The following CRISP1 variants were observed in gnomAD, a reference collection of about 807,000 sequenced individuals.
The protein encoded by CRISP1 is cysteine rich secretory protein 1.
CRISP1 carries 44 observed loss-of-function variants against 33.1 expected under a neutral mutation model. That is an observed-to-expected ratio of 1.33 (90% CI 1.05 to 1.71). The LOEUF is 1.71. Ranked by LOEUF, CRISP1 falls within the 40% of genes most tolerant of loss-of-function variation. CRISP1 has a pLI of 0.00. For missense variants in CRISP1, 390 were observed against 301.2 expected, an observed-to-expected ratio of 1.29 and a Z score of -2.18; for synonymous variants, 103 against 98.7, an observed-to-expected ratio of 1.04 and a Z score of -0.26.
intron 2 of CRISP1, among the ~76,000 whole-genome samples, chr6:49,855,723 A>AT (rs1165377999): frequency 6.6e-6 from 1 of 152,170 alleles, no homozygotes; most frequent in Non-Finnish European, 1.5e-5. Context: ...AGTAAAAACA[A>AT]TTTTTGTTAA....
chr6:49,840,870 A>G, intron 6 of CRISP1, 28 bp downstream of exon 6: 1 of 1,541,944 alleles, frequency 6.5e-7, no homozygotes. Flanking sequence ...TTAGGGGGAT[A>G]TATATTTTAA....
Position 49,852,040 on chromosome 6 carries a change from C to T in CRISP1, c.156G>A (p.Arg52=). The part of the protein sequence containing the change: ...EEIVNIHNAL[R]RRVVPPASNM... ...TGCTGGCTGGTGGAACTACTCTTCT[C>T]CTGAGGGCGTTGTGTATATTAACGA... The change falls in exon 3 of 8, where the codon AGG becomes AGA. Residue 52 remains arginine, a synonymous_variant. Coordinates refer to ENST00000335847, the MANE Select transcript of CRISP1 (RefSeq NM_001131.3). 3 of 1,612,492 alleles carry T rather than the reference C, an allele frequency of 1.9e-6. No individual in the cohort carries two copies. Among genetic ancestry groups the T allele is most frequent in the Non-Finnish European group, 1.7e-6 (2 of 1,179,304 alleles).
At position 49,857,358 on chromosome 6, in the gene CRISP1, A is replaced by T; in HGVS notation, c.43T>A (p.Leu15Ile). The change falls in exon 2 of 8, where the codon TTA becomes ATA. Residue 15 changes from leucine to isoleucine, a missense_variant. Physicochemically the swap from Leu to Ile is conservative, Grantham distance 5 (BLOSUM62 2). Coordinates refer to ENST00000335847, the MANE Select transcript of CRISP1 (RefSeq NM_001131.3). ...HLLFLVAAACLLPMLSMKKKS... is the reference protein window; with the variant it reads ...HLLFLVAAACILPMLSMKKKS... ...ACTTTCATGGACAACATAGGCAGTAAGCAAGCAGCAGCAACCAAAAACAAG... is the reference window on the plus strand; with the variant it reads ...ACTTTCATGGACAACATAGGCAGTATGCAAGCAGCAGCAACCAAAAACAAG... 1 of 1,613,112 alleles carries T rather than the reference A, an allele frequency of 6.2e-7. No individual in the cohort carries two copies.
chr6:49,846,373 T>C (rs551591651), intron 5 of CRISP1, 147 bp downstream of exon 5: 1 of 809,592 alleles, frequency 1.2e-6, no homozygotes, highest in African/African-American at 1.7e-5. Flanking sequence ...GAACACTTCC[T>C]TCTATTTCAA....
At chr6:49,839,320 G>T (rs1056947882) in intron 6 of CRISP1, among the ~76,000 whole-genome samples, 1 of 147,672 alleles carries the variant, frequency 6.8e-6, no homozygotes, top group Admixed American at 6.8e-5. Flanking sequence ...GCCTGGTGGC[G>T]TATGCCTGTA....
chr6:49,867,008 G>C (rs1374186870), upstream of CRISP1, among the ~76,000 whole-genome samples: 1 of 152,104 alleles, frequency 6.6e-6, no homozygotes, highest in South Asian at 2.1e-4. Flanking sequence ...AAGATAAGTA[G>C]TCCATTTTCC....
intron 5 of CRISP1, among the ~76,000 whole-genome samples, chr6:49,842,697 C>T (rs532682147): frequency 4.6e-5 from 7 of 152,168 alleles, no homozygotes; most frequent in Admixed American, 1.3e-4. Flanking sequence ...CCCTTCCCTG[C>T]GCTCAGCTGC....
rs376532347 is a variant in CRISP1, at chr6:49,852,073, T to C, written c.123A>G (p.Gln41=). 2.0e-5 allele frequency: 33 copies of C among 1,613,292 alleles called. No individual in the cohort carries two copies. The highest frequency in any genetic ancestry group is 2.5e-5 in the Non-Finnish European group (30 of 1,179,592). ...NKLVTDLPNV[Q]EEIVNIHNAL... The stretch of plus-strand genomic sequence containing the variant: ...CGTTGTGTATATTAACGATCTCTTC[T>C]TGTACATTTGGCAAGTCGGTGACGA... Residue 41 remains glutamine, a synonymous_variant, in exon 3 of 8, where the codon CAA becomes CAG. Coordinates refer to ENST00000335847, the MANE Select transcript of CRISP1 (RefSeq NM_001131.3).
chr6:49,848,327 T>A, intron 3 of CRISP1, 28 bp from the exon 4 acceptor site: 4 of 1,313,182 alleles, frequency 3.0e-6, no homozygotes, highest in Non-Finnish European at 4.3e-6. Flanking sequence ...AAAAAGCACA[T>A]GTTCCAATTA....
rs1196688288 is a variant in CRISP1, at chr6:49,834,778, T to C, written c.*538A>G. 3.3e-5 allele frequency: 5 copies of C among 152,408 alleles called. No individual in the cohort carries two copies. The highest frequency in any genetic ancestry group is 9.6e-5 in the African/African-American group (4 of 41,456). The allele number at this position is 152,408 out of a possible 1,614,324, so 9.4% of individuals were successfully genotyped here. A position where few individuals can be genotyped will look rare whatever the true frequency, so the allele number is the denominator to read the frequency against. ...GTTTCTTGCTTCACAAATGTATATATAGATGTGTCAATAAAACAATGAGAC... is the reference window on the plus strand; with the variant it reads ...GTTTCTTGCTTCACAAATGTATATACAGATGTGTCAATAAAACAATGAGAC... On this transcript the variant is annotated 3_prime_UTR_variant, in exon 8 of 8. Transcript: ENST00000335847.
intron 2 of CRISP1, among the ~76,000 whole-genome samples, chr6:49,852,952 G>C (rs1771395407): frequency 6.6e-6 from 1 of 151,864 alleles, no homozygotes; most frequent in Non-Finnish European, 1.5e-5. Context: ...AATGTGAGGG[G>C]TGTCTGTTGC....
chr6:49,850,521 T>C (rs1337176987), intron 3 of CRISP1, among the ~76,000 whole-genome samples: 5 of 152,092 alleles, frequency 3.3e-5, no homozygotes, highest in Non-Finnish European at 5.9e-5. Context: ...AATCTCTGCC[T>C]GGTAATTGTG....
chr6:49,861,602 G>A (rs1013375444), intron 1 of CRISP1, among the ~76,000 whole-genome samples: 21 of 152,022 alleles, frequency 1.4e-4, no homozygotes, highest in Non-Finnish European at 2.9e-4. Context: ...AACCTAGCTC[G>A]GCCAGGCACG....
chr6:49,861,956 G>A (rs1311697317), intron 1 of CRISP1, among the ~76,000 whole-genome samples: 2 of 151,996 alleles, frequency 1.3e-5, no homozygotes, highest in Admixed American at 1.3e-4. Flanking sequence ...ACACTAAATG[G>A]AGAAAAGCTG....
intron 5 of CRISP1, among the ~76,000 whole-genome samples, chr6:49,843,532 C>G (rs1471979975): frequency 6.6e-6 from 1 of 152,176 alleles, no homozygotes; most frequent in East Asian, 1.9e-4. Flanking sequence ...AAGAAACTAA[C>G]TATGCTGGCA....
At chr6:49,870,785 A>G (rs180907252), upstream of CRISP1, among the ~76,000 whole-genome samples, 1 of 152,186 alleles carries the variant, frequency 6.6e-6, no homozygotes, top group East Asian at 1.9e-4. Flanking sequence ...GTTTGTGTAG[A>G]CTTCAGTTAG....
intron 3 of CRISP1, among the ~76,000 whole-genome samples, chr6:49,850,374 ACTC>A (rs745463564): frequency 6.6e-6 from 1 of 151,990 alleles, no homozygotes; most frequent in Non-Finnish European, 1.5e-5. Flanking sequence ...TTGGTGAGAT[ACTC>A]CTTTTTTGAG....
rs541802480 is a variant in CRISP1 at position 49,838,496 on chromosome 6, G to A, written c.563C>T (p.Pro188Leu). 1 of 1,612,644 alleles carries A rather than the reference G, an allele frequency of 6.2e-7. No individual in the cohort carries two copies. Among genetic ancestry groups the A allele is most frequent in the Non-Finnish European group, 8.5e-7 (1 of 1,179,388 alleles). ...TTCACATGGGACGCCTGTCTTATAAGGTTCATTCTTTGTTTCAGGATCATT... is the reference window on the plus strand; with the variant it reads ...TTCACATGGGACGCCTGTCTTATAAAGTTCATTCTTTGTTTCAGGATCATT... ...EGNDPETKNE[P>L]YKTGVPCEAC... Residue 188 changes from proline (P) to leucine (L), a missense_variant, in exon 7 of 8, where the codon CCT becomes CTT. Pro to Leu is a moderately conservative substitution (Grantham distance 98). Coordinates refer to ENST00000335847, the MANE Select transcript of CRISP1 (RefSeq NM_001131.3).
chr6:49,846,466 C>T (rs2127472135), intron 5 of CRISP1, 54 bp downstream of exon 5: 2 of 1,539,098 alleles, frequency 1.3e-6, no homozygotes, highest in East Asian at 2.3e-5. Context: ...GTTACGTTTC[C>T]ACACACATGC....
Sources: gnomAD v4.1 joint callset for allele counts (sites outside exome capture counted in the v4.1 genomes callset) on GRCh38, gnomAD v4.1.1 for gene constraint, MANE v1.5 for transcripts, NCBI Gene and HGNC (gene_info 2026-07-23, HGNC 2026-07-21) for gene names.